ARHGAP5: variants seen among roughly 807,000 people sequenced by gnomAD.
ARHGAP5 encodes rho GTPase-activating protein 5.
ARHGAP5 carries 23 observed loss-of-function variants against 116.6 expected under a neutral mutation model. That is an observed-to-expected ratio of 0.20 (90% CI 0.14 to 0.28). The LOEUF (loss-of-function observed/expected upper bound fraction) is 0.28, where lower values mean the gene tolerates loss of function less well. Among genes scored for constraint, ARHGAP5 ranks in the 10% least tolerant of loss-of-function variants. The probability of loss-of-function intolerance (pLI) is 1.00; values close to 1 mark genes in which losing one functional copy is unlikely to be tolerated. For missense variants in ARHGAP5, 1,405 were observed against 1,774.8 expected (o/e 0.79, Z 3.74); for synonymous variants, 574 against 602.0 (o/e 0.95, Z 0.68).
chr14:32,079,162 A>T (rs118170482), intron 1 of ARHGAP5, among the ~76,000 whole-genome samples: 300 of 152,336 alleles, frequency 2.0e-3, no homozygotes, highest in Non-Finnish European at 1.9e-3. Context: ...AGCACTATTG[A>T]TCTAATTGAC....
intron 3 of ARHGAP5, among the ~76,000 whole-genome samples, chr14:32,143,224 G>GTTA (rs1427657144): frequency 1.8e-4 from 26 of 147,266 alleles, no homozygotes; most frequent in African/African-American, 6.4e-4. Context: ...TGTTGTTGTT[G>GTTA]TTGTTGTTGT....
At position 32,092,502 on chromosome 14, in the gene ARHGAP5, A is replaced by G. The variant is rs746802469; in HGVS notation, c.1833A>G (p.Ala611=). Residue 611 remains alanine (A), a synonymous_variant, in exon 2 of 7, where the codon GCA becomes GCG. Coordinates refer to ENST00000345122, the MANE Select transcript of ARHGAP5 (RefSeq NM_001030055.2). The surrounding 1 kb of genome is among the most constrained non-coding windows in gnomAD (Gnocchi z 4.1). ...AGGATGGCCTTGCCCAAGAACTAGC[A>G]AATGAGATAAGGACACAATCCACTG... ...LGKDGLAQEL[A]NEIRTQSTDD... 3.7e-5 allele frequency: 59 copies of G among 1,613,934 alleles called. No homozygotes were observed. The highest frequency in any genetic ancestry group is 4.8e-5 in the Non-Finnish European group (57 of 1,179,896).
intron 3 of ARHGAP5, among the ~76,000 whole-genome samples, chr14:32,131,291 T>A (rs543258864): frequency 4.9e-4 from 75 of 151,996 alleles, no homozygotes; most frequent in African/African-American, 1.7e-3. Context: ...TATTTTATTT[T>A]ATTTTTGCAT....
At chr14:32,146,824 G>A (rs1329524285) in intron 4 of ARHGAP5, among the ~76,000 whole-genome samples, 2 of 152,188 alleles carry the variant, frequency 1.3e-5, no homozygotes, top group African/African-American at 4.8e-5. Flanking sequence ...GGAAGGAATG[G>A]AAAGCAGTAG....
chr14:32,083,361 G>A (rs2041797214), intron 1 of ARHGAP5, among the ~76,000 whole-genome samples: 1 of 152,258 alleles, frequency 6.6e-6, no homozygotes, highest in African/African-American at 2.4e-5. Flanking sequence ...ATTCATTTAA[G>A]TACAGTCTAT....
rs146696655 is a variant in ARHGAP5, at chr14:32,087,844, C to T, written c.-168-2658C>T. Among the ~76,000 whole-genome samples the T allele has an allele frequency of 3.9e-5, 6 of 152,068 alleles. No individual in the cohort carries two copies. In the East Asian group the frequency reaches 1.2e-3, roughly 29 times the overall value. On this transcript the variant is annotated intron_variant, in intron 1 of 6. Transcript: ENST00000345122. ...CATTTAAGATTCATATTGCCACTGT[C>T]AAATTAATTAGGATGTGTTGAAGCC...
chr14:32,129,493 C>G (rs1031610926), intron 3 of ARHGAP5, among the ~76,000 whole-genome samples: 2 of 152,172 alleles, frequency 1.3e-5, no homozygotes, highest in Non-Finnish European at 2.9e-5. Flanking sequence ...ATAGCCTTCT[C>G]TGTATATTGG....
At chr14:32,136,923 T>G (rs1470917209) in intron 3 of ARHGAP5, among the ~76,000 whole-genome samples, 1 of 152,108 alleles carries the variant, frequency 6.6e-6, no homozygotes, top group Non-Finnish European at 1.5e-5. Flanking sequence ...GTCTTTGGCC[T>G]TTTTAAATTG....
At chr14:32,084,842 T>C (rs2041813228) in intron 1 of ARHGAP5, among the ~76,000 whole-genome samples, 1 of 152,202 alleles carries the variant, frequency 6.6e-6, no homozygotes, top group Admixed American at 6.5e-5. Flanking sequence ...TGAGACTCTC[T>C]ACAAAAAAAT....
At chr14:32,135,010 A>G (rs999567064) in intron 3 of ARHGAP5, among the ~76,000 whole-genome samples, 1 of 152,056 alleles carries the variant, frequency 6.6e-6, no homozygotes, top group Non-Finnish European at 1.5e-5. Flanking sequence ...TTTTTCACCC[A>G]TTGTGCCCAC....
chr14:32,080,813 A>G (rs1243932356), intron 1 of ARHGAP5, among the ~76,000 whole-genome samples: 2 of 152,118 alleles, frequency 1.3e-5, no homozygotes, highest in Non-Finnish European at 1.5e-5. Flanking sequence ...GAAGCTGTCT[A>G]CAGTACTTTA....
chr14:32,153,051 G>A (rs78406943), intron 6 of ARHGAP5, among the ~76,000 whole-genome samples: 1 of 79,918 alleles, frequency 1.3e-5, no homozygotes. Context: ...GGTTTTTTTT[G>A]TTTTTTTTTT....
intron 2 of ARHGAP5, among the ~76,000 whole-genome samples, chr14:32,105,166 C>CATGT (rs1399874356): frequency 6.6e-6 from 1 of 152,058 alleles, no homozygotes; most frequent in Non-Finnish European, 1.5e-5. Context: ...TCATACAAGG[C>CATGT]ATGTTTGTAT....
intron 1 of ARHGAP5, among the ~76,000 whole-genome samples, chr14:32,081,698 G>C (rs2041776610): frequency 6.6e-6 from 1 of 152,078 alleles, no homozygotes. Flanking sequence ...TATTTGTCTA[G>C]TTACTGTATT....
chr14:32,084,060 T>G (rs1369363638), intron 1 of ARHGAP5, among the ~76,000 whole-genome samples: 2 of 152,228 alleles, frequency 1.3e-5, no homozygotes, highest in Non-Finnish European at 2.9e-5. Context: ...GAATTTAGAA[T>G]GACTTGCACA....
At chr14:32,103,544 T>C (rs1040388005) in intron 2 of ARHGAP5, among the ~76,000 whole-genome samples, 1 of 152,186 alleles carries the variant, frequency 6.6e-6, no homozygotes, top group Non-Finnish European at 1.5e-5. Context: ...AAATGTTAAG[T>C]ATGTGTCAAG....
intron 2 of ARHGAP5, among the ~76,000 whole-genome samples, chr14:32,097,848 A>T (rs1250946841): frequency 6.6e-6 from 1 of 152,228 alleles, no homozygotes; most frequent in Non-Finnish European, 1.5e-5. Context: ...TAGAGAAAGT[A>T]ATTACAGAAG....
At chr14:32,111,869 G>A (rs1425564294) in intron 2 of ARHGAP5, among the ~76,000 whole-genome samples, 1 of 117,854 alleles carries the variant, frequency 8.5e-6, no homozygotes. Context: ...TTTTGACAGA[G>A]TCTCGCTCTG....
In ARHGAP5 at chr14:32,159,718, T is replaced by A. The variant is rs576195606; in HGVS notation, c.*4770T>A. 3.0e-4 allele frequency: 46 copies of A among 152,290 alleles called. No homozygotes were observed. The highest frequency in any genetic ancestry group is 1.1e-3 in the African/African-American group (46 of 41,562). 9.4% of individuals were successfully genotyped at this position (152,290 alleles called of 1,614,324 possible). A position where few individuals can be genotyped will look rare whatever the true frequency, so the allele number is the denominator to read the frequency against. On this transcript the variant is annotated 3_prime_UTR_variant, in exon 7 of 7. Transcript: ENST00000345122. ...TATTTTATCCAAATAAATATTTAGG[T>A]GTTCTAAGAAGTAGACTTCTGTTTA... is the stretch of plus-strand genomic sequence containing the variant.
Sources: allele counts gnomAD v4.1 joint callset (sites outside exome capture counted in the v4.1 genomes callset), GRCh38; gene constraint gnomAD v4.1.1; non-coding constraint Gnocchi (gnomAD v3.1); transcripts MANE v1.5; gene names NCBI Gene and HGNC (gene_info 2026-07-23, HGNC 2026-07-21).